HOXB3: variants seen among roughly 807,000 people sequenced by gnomAD.
The protein encoded by HOXB3 is homeobox B3.
Under a neutral mutation model 29.2 loss-of-function variants are expected in HOXB3, and 17 were observed. The ratio of observed to expected loss-of-function variants is 0.58; its 90% CI spans 0.40 to 0.87. The LOEUF (loss-of-function observed/expected upper bound fraction) is 0.87, where lower values mean the gene tolerates loss of function less well. HOXB3 is among the 40% of genes least tolerant of loss of function. The pLI is 0.00. For synonymous variants in HOXB3, 317 were observed against 285.9 expected (o/e 1.11, Z -1.10); for missense variants, 637 against 616.3 (o/e 1.03, Z -0.35).
intron 4 of HOXB3, among the ~76,000 whole-genome samples, chr17:48,551,674 A>G (rs2068748834): frequency 6.6e-6 from 1 of 152,264 alleles, no homozygotes; most frequent in Admixed American, 6.5e-5. Flanking sequence ...CGGGCCGTCC[A>G]AGCGATTGTG....
intron 1 of HOXB3, chr17:48,577,753 G>T: frequency 1.0e-6 from 1 of 977,104 alleles, no homozygotes; most frequent in Non-Finnish European, 1.3e-6. Flanking sequence ...CGAGTTTATA[G>T]CGGGGACAAT....
chr17:48,561,133 T>C (rs561819375), intron 2 of HOXB3, among the ~76,000 whole-genome samples: 6 of 147,912 alleles, frequency 4.1e-5, no homozygotes, highest in Non-Finnish European at 5.9e-5. Context: ...TGAGTGGAGA[T>C]TGCACCATTG....
At chr17:48,563,008 G>A (rs1299323557) in intron 2 of HOXB3, among the ~76,000 whole-genome samples, 1 of 152,182 alleles carries the variant, frequency 6.6e-6, no homozygotes, top group Admixed American at 6.5e-5. Context: ...TGGGACACAA[G>A]GCTGCCAAGG....
intron 1 of HOXB3, chr17:48,576,467 C>CT (rs890616015): frequency 8.3e-5 from 32 of 386,646 alleles, no homozygotes; most frequent in East Asian, 2.3e-4. Context: ...TTTTCTTTTT[C>CT]TTTTTTTTAA....
At chr17:48,559,175 G>C (rs761490771) in intron 2 of HOXB3, among the ~76,000 whole-genome samples, 8 of 151,998 alleles carry the variant, frequency 5.3e-5, no homozygotes, top group Non-Finnish European at 1.0e-4. Context: ...ATCAGGCGAC[G>C]GGAGCACTTT....
intron 2 of HOXB3, among the ~76,000 whole-genome samples, chr17:48,562,789 A>G (rs1252572601): frequency 6.6e-6 from 1 of 152,188 alleles, no homozygotes; most frequent in Admixed American, 6.5e-5. Flanking sequence ...GAGAAAATTT[A>G]ATGCAAAACA....
At chr17:48,566,508 C>T (rs577202574) in intron 2 of HOXB3, among the ~76,000 whole-genome samples, 27 of 151,576 alleles carry the variant, frequency 1.8e-4, no homozygotes, top group Admixed American at 2.6e-4. Flanking sequence ...CAGACTTCCA[C>T]GTCACAGGCA....
At chr17:48,574,816 T>G (rs992378434) in intron 1 of HOXB3, among the ~76,000 whole-genome samples, 3 of 152,212 alleles carry the variant, frequency 2.0e-5, no homozygotes, top group Non-Finnish European at 1.5e-5. Flanking sequence ...AGTCATACTT[T>G]CGATACTTTC....
chr17:48,569,595 C>CTCCCCAACTCCATTTTT (rs1491280981), intron 2 of HOXB3, among the ~76,000 whole-genome samples: 1 of 152,150 alleles, frequency 6.6e-6, no homozygotes, highest in Non-Finnish European at 1.5e-5. Flanking sequence ...TTAAGGTTCC[C>CTCCCCAACTCCATTTTT]TCCCCAACTC....
At chr17:48,576,973 A>G in intron 1 of HOXB3, 1 of 1,613,044 alleles carries the variant, frequency 6.2e-7, no homozygotes, top group Non-Finnish European at 8.5e-7. Context: ...TGGCGCGTGT[A>G]GGCGGTCCGA....
At chr17:48,577,861 A>G in intron 1 of HOXB3, 1 of 1,400,966 alleles carries the variant, frequency 7.1e-7, no homozygotes. Flanking sequence ...CCACGCACTC[A>G]CCCGTGCTCA....
chr17:48,575,237 G>A (rs1010008205), intron 1 of HOXB3: 3 of 152,190 alleles, frequency 2.0e-5, no homozygotes, highest in Non-Finnish European at 4.4e-5. Context: ...CCCCATTAGG[G>A]ACTGGAATCA....
chr17:48,564,424 A>G (rs1249936580), intron 2 of HOXB3, among the ~76,000 whole-genome samples: 1 of 108,058 alleles, frequency 9.3e-6, no homozygotes, highest in African/African-American at 3.4e-5. Context: ...GCTCGCCCCC[A>G]CCCCGCCCCC....
At chr17:48,577,152 G>A (rs1185190743) in intron 1 of HOXB3, 12 of 741,146 alleles carry the variant, frequency 1.6e-5, no homozygotes, top group East Asian at 3.0e-5. Flanking sequence ...GAGGGAGAGC[G>A]GGGAAAAACG....
At chr17:48,556,413 C>G (rs1461770119) in intron 2 of HOXB3, 1 of 152,106 alleles carries the variant, frequency 6.6e-6, no homozygotes, top group South Asian at 2.1e-4. Flanking sequence ...GGGTCTCCAA[C>G]CCTCACACTC....
intron 1 of HOXB3, chr17:48,576,140 C>T (rs2069750864): frequency 6.5e-6 from 1 of 152,812 alleles, no homozygotes; most frequent in Admixed American, 6.5e-5. Context: ...CAAAACACTG[C>T]ACTATCTGGC....
intron 1 of HOXB3, chr17:48,579,216 G>C (rs1168559448): frequency 2.0e-5 from 3 of 152,152 alleles, no homozygotes; most frequent in Non-Finnish European, 4.4e-5. Context: ...AGAGCGCTGG[G>C]GTAAAAAAAC....
intron 2 of HOXB3, among the ~76,000 whole-genome samples, chr17:48,570,446 C>T (rs2069551138): frequency 6.6e-6 from 1 of 152,214 alleles, no homozygotes; most frequent in Non-Finnish European, 1.5e-5. Flanking sequence ...CTGTCCTCAG[C>T]AGCTCTGGAG....
In HOXB3 at chr17:48,554,230, T is replaced by C. The variant is rs1230440347; in HGVS notation, c.-159+1301A>G. 6.8e-5 allele frequency: 13 copies of C among 192,440 alleles called. No individual in the cohort carries two copies. In the East Asian group the frequency reaches 1.6e-3, roughly 23 times the overall value. The allele number at this position is 192,440 out of a possible 1,614,324, so 11.9% of individuals were successfully genotyped here. A position where few individuals can be genotyped will look rare whatever the true frequency, so the allele number is the denominator to read the frequency against. On this transcript the variant is annotated intron_variant, in intron 3 of 4. Coordinates refer to ENST00000498678, the MANE Select transcript of HOXB3 (RefSeq NM_001384749.1). This position sits in a 1 kb window ranked among gnomAD's most constrained non-coding sequence, Gnocchi z 4.1. ...TGAAGGGGGAATTAATTAACAGGCA[T>C]TAGTTGTGGTTGTTATTAATAGAGA...
Sources: gnomAD v4.1 joint callset for allele counts (sites outside exome capture counted in the v4.1 genomes callset) on GRCh38, gnomAD v4.1.1 for gene constraint, Gnocchi (gnomAD v3.1) non-coding constraint, MANE v1.5 for transcripts, NCBI Gene and HGNC (gene_info 2026-07-23, HGNC 2026-07-21) for gene names.